DCC: variants seen among roughly 807,000 people sequenced by gnomAD.
DCC encodes the protein netrin receptor DCC.
A neutral mutation model predicts 172.5 loss-of-function variants in DCC; 58 were observed. That is an observed-to-expected ratio of 0.34 (90% CI 0.27 to 0.42). DCC has a LOEUF of 0.42. Among genes scored for constraint, DCC ranks in the 10% least tolerant of loss-of-function variants. The probability of loss-of-function intolerance (pLI) is 1.00; values close to 1 mark genes in which losing one functional copy is unlikely to be tolerated. For synonymous variants in DCC, 709 were observed against 644.5 expected, an observed-to-expected ratio of 1.10 and a Z score of -1.52; for missense variants, 1,740 against 1,791.0, an observed-to-expected ratio of 0.97 and a Z score of 0.51.
intron 12 of DCC, among the ~76,000 whole-genome samples, chr18:53,274,200 CTT>C (rs1185489342): frequency 2.0e-5 from 3 of 152,110 alleles, no homozygotes; most frequent in African/African-American, 7.2e-5. Context: ...CTTAAACCCT[CTT>C]TATATTTCAG....
At chr18:53,376,944 C>G (rs900433645) in intron 15 of DCC, among the ~76,000 whole-genome samples, 14 of 152,174 alleles carry the variant, frequency 9.2e-5, no homozygotes, top group African/African-American at 3.4e-4. Context: ...GTTCAGGCCC[C>G]TATGGTCTTT....
chr18:53,226,948 A>ATATATATATATATATTTTTTTTTTTT lies in DCC; in HGVS notation c.1911+11352_1911+11353insATATATATATATATTTTTTTTTTTTT. On this transcript the variant is annotated intron_variant, in intron 12 of 28. Transcript: ENST00000442544. ...TGTGTGTGTGTGTATATATATATAT[A>ATATATATATATATATTTTTTTTTTTT]TTTTTTTTTTTTTTTTTTTGAGGCA... 1.7e-3 allele frequency among the ~76,000 whole-genome samples: 90 copies of ATATATATATATATATTTTTTTTTTTT among 52,898 alleles called. 2 individuals are homozygous for ATATATATATATATATTTTTTTTTTTT. The highest frequency in any genetic ancestry group is 2.5e-3 in the Non-Finnish European group (63 of 24,830). The allele number at this position is 52,898 out of a possible 152,430, so 34.7% of individuals were successfully genotyped here.
At chr18:52,852,138 A>G (rs747083796) in intron 2 of DCC, among the ~76,000 whole-genome samples, 6 of 152,158 alleles carry the variant, frequency 3.9e-5, no homozygotes, top group Non-Finnish European at 7.4e-5. Flanking sequence ...AATTTTGGTA[A>G]CATCTTCAGT....
At chr18:53,093,606 T>C (rs1215437903) in intron 7 of DCC, among the ~76,000 whole-genome samples, 1 of 152,232 alleles carries the variant, frequency 6.6e-6, no homozygotes. Flanking sequence ...CTCTAGGATT[T>C]AGATTCTGAC....
chr18:52,825,174 T>C lies in DCC; in HGVS notation c.412+72800T>C, dbSNP rs191443754. Among the ~76,000 whole-genome samples, 68 of 152,310 alleles carry C rather than the reference T, an allele frequency of 4.5e-4. No homozygotes were observed. In the Middle Eastern group the frequency reaches 0.017, roughly 38 times the overall value. On this transcript the variant is annotated intron_variant, in intron 2 of 28. Transcript: ENST00000442544. The stretch of plus-strand genomic sequence containing the variant: ...TGAGCAATTCATTATTGTAATGATA[T>C]GACAAAGAGAATGGATGCTAACCAT...
intron 26 of DCC, among the ~76,000 whole-genome samples, chr18:53,494,821 T>C (rs1201142960): frequency 2.0e-5 from 3 of 152,160 alleles, no homozygotes; most frequent in African/African-American, 7.2e-5. Flanking sequence ...AATATTGTTA[T>C]GTGTGTATTT....
intron 1 of DCC, among the ~76,000 whole-genome samples, chr18:52,658,440 C>A (rs2035296259): frequency 6.6e-6 from 1 of 151,990 alleles, no homozygotes; most frequent in Admixed American, 6.5e-5. Flanking sequence ...TAACCCTGGG[C>A]ACATTATGGG....
intron 1 of DCC, among the ~76,000 whole-genome samples, chr18:52,398,453 T>C (rs939850807): frequency 2.0e-5 from 3 of 151,994 alleles, no homozygotes; most frequent in East Asian, 1.9e-4. Flanking sequence ...TTTTGTGACA[T>C]CCTTTGTATT....
intron 7 of DCC, among the ~76,000 whole-genome samples, chr18:53,119,728 C>T (rs2043456488): frequency 6.6e-6 from 1 of 151,888 alleles, no homozygotes; most frequent in East Asian, 1.9e-4. Context: ...ATGATTATCA[C>T]ATTGTTGTAG....
chr18:53,234,084 C>G (rs1377213938), intron 12 of DCC, among the ~76,000 whole-genome samples: 1 of 152,106 alleles, frequency 6.6e-6, no homozygotes, highest in Non-Finnish European at 1.5e-5. Context: ...AACACCATCT[C>G]TACTAAAAAT....
chr18:52,524,571 G>C (rs1298049025), intron 1 of DCC, among the ~76,000 whole-genome samples: 1 of 152,138 alleles, frequency 6.6e-6, no homozygotes, highest in Non-Finnish European at 1.5e-5. Flanking sequence ...CTAATTTGTA[G>C]AGCGGTTTTA....
chr18:53,041,499 T>A (rs1481320241), intron 5 of DCC, among the ~76,000 whole-genome samples: 2 of 151,748 alleles, frequency 1.3e-5, no homozygotes, highest in South Asian at 2.1e-4. Flanking sequence ...GCTATCCAGG[T>A]TTTTTTTGGT....
intron 1 of DCC, among the ~76,000 whole-genome samples, chr18:52,385,591 ACACT>A (rs913897205): frequency 6.6e-6 from 1 of 152,018 alleles, no homozygotes; most frequent in African/African-American, 2.4e-5. Flanking sequence ...CAGTTTAAAA[ACACT>A]CAGAGGATGA....
intron 1 of DCC, among the ~76,000 whole-genome samples, chr18:52,593,760 G>A (rs2033850260): frequency 6.6e-6 from 1 of 152,204 alleles, no homozygotes; most frequent in South Asian, 2.1e-4. Flanking sequence ...TGCTAGATAA[G>A]AGCAACAGCG....
At chr18:53,206,400 T>C (rs1314609103) in intron 10 of DCC, among the ~76,000 whole-genome samples, 1 of 80,342 alleles carries the variant, frequency 1.2e-5, no homozygotes, top group African/African-American at 4.9e-5. Context: ...TATATATACA[T>C]ATATGTATTG....
chr18:52,762,882 A>G (rs914167272), intron 2 of DCC, among the ~76,000 whole-genome samples: 1 of 152,202 alleles, frequency 6.6e-6, no homozygotes, highest in East Asian at 1.9e-4. Flanking sequence ...GTATTCTATC[A>G]CATCTGCATA....
At chr18:52,995,263 GT>G (rs1364100156) in intron 5 of DCC, among the ~76,000 whole-genome samples, 1 of 151,996 alleles carries the variant, frequency 6.6e-6, no homozygotes, top group African/African-American at 2.4e-5. Context: ...TTAGTGTTTT[GT>G]GGCACGTGTC....
At chr18:53,123,977 T>G (rs975327086) in intron 7 of DCC, among the ~76,000 whole-genome samples, 29 of 152,056 alleles carry the variant, frequency 1.9e-4, no homozygotes, top group Non-Finnish European at 1.3e-4. Flanking sequence ...GGCTCTCAGC[T>G]GAATCACACT....
intron 1 of DCC, among the ~76,000 whole-genome samples, chr18:52,709,636 A>G (rs2036262775): frequency 1.3e-5 from 2 of 152,156 alleles, no homozygotes; most frequent in African/African-American, 4.8e-5. Flanking sequence ...AATGTATGCT[A>G]TTTTATTTTG....
Sources: allele counts gnomAD v4.1 joint callset (sites outside exome capture counted in the v4.1 genomes callset), GRCh38; gene constraint gnomAD v4.1.1; transcripts MANE v1.5; gene names NCBI Gene and HGNC (gene_info 2026-07-23, HGNC 2026-07-21).